KIF5B: variants seen among roughly 807,000 people sequenced by gnomAD.
KIF5B encodes kinesin-1 heavy chain.
Under a neutral mutation model 132.8 loss-of-function variants are expected in KIF5B, and 49 were observed. The observed-to-expected ratio is 0.37, with a 90% CI of 0.29 to 0.47. The LOEUF (loss-of-function observed/expected upper bound fraction) is 0.47, where lower values mean the gene tolerates loss of function less well. Among genes scored for constraint, KIF5B ranks in the 20% least tolerant of loss-of-function variants. The pLI, the probability that KIF5B is intolerant of heterozygous loss-of-function variation, is 1.00. For missense variants in KIF5B, 780 were observed against 1,144.0 expected (o/e 0.68, Z 4.59); for synonymous variants, 355 against 369.4 (o/e 0.96, Z 0.45).
chr10:32,053,651 G>T (rs138546421), intron 1 of KIF5B, among the ~76,000 whole-genome samples: 13,504 of 151,510 alleles, frequency 0.089, 735 homozygotes, highest in Middle Eastern at 0.14. Flanking sequence ...TTGAACCCGG[G>T]AGGCGGAGGT....
Position 32,034,752 on chromosome 10 carries a change from T to C in KIF5B, c.1049A>G (p.Lys350Arg). 1 of 1,609,600 alleles carries C rather than the reference T, an allele frequency of 6.2e-7. No homozygotes were observed. The highest frequency in any genetic ancestry group is 8.5e-7 in the Non-Finnish European group (1 of 1,178,040). The change falls in exon 11 of 26, where the codon AAA becomes AGA. Residue 350 changes from lysine (K) to arginine (R), a missense_variant. Physicochemically the swap from Lys to Arg is conservative, Grantham distance 26 (BLOSUM62 2). Transcript: ENST00000302418. ...WKKKYEKEKE[K>R]NKILRNTIQW... ...AATAGTGTTCCGCAGGATCTTATTT[T>C]TTTCTTTTTCTTTTTCATACTTCTT...
chr10:32,032,281 T>C (rs1386669379), intron 13 of KIF5B, among the ~76,000 whole-genome samples: 1 of 152,120 alleles, frequency 6.6e-6, no homozygotes, highest in Non-Finnish European at 1.5e-5. Context: ...AGTTGAAATA[T>C]GAAATGCTAT....
At chr10:32,021,763 G>A (rs1025296694) in intron 17 of KIF5B, among the ~76,000 whole-genome samples, 9 of 152,086 alleles carry the variant, frequency 5.9e-5, no homozygotes, top group African/African-American at 2.2e-4. Context: ...ACGAGGTCAG[G>A]AGATCAAGAC....
At chr10:32,049,103 A>T (rs1265203562) in intron 1 of KIF5B, among the ~76,000 whole-genome samples, 3 of 152,206 alleles carry the variant, frequency 2.0e-5, no homozygotes, top group Non-Finnish European at 4.4e-5. Flanking sequence ...TGCTCGGATT[A>T]CAGGTGTGAA....
intron 24 of KIF5B, among the ~76,000 whole-genome samples, chr10:32,016,561 C>T (rs527861750): frequency 3.3e-4 from 50 of 152,228 alleles, no homozygotes; most frequent in African/African-American, 1.1e-3. Context: ...GAGTCTCGCT[C>T]GTCACCCAGG....
chr10:32,028,393 G>A (rs1291412567), intron 15 of KIF5B, 35 bp downstream of exon 15: 2 of 1,551,274 alleles, frequency 1.3e-6, no homozygotes, highest in East Asian at 2.2e-5. Context: ...AGTGTATACA[G>A]ATAATTGTCC....
intron 1 of KIF5B, 105 bp from the exon 2 acceptor site, chr10:32,048,656 A>T (rs977144383): frequency 5.6e-6 from 4 of 708,510 alleles, no homozygotes; most frequent in Non-Finnish European, 9.5e-6. Context: ...AAAATAGTAT[A>T]CCTAGTATGC....
intron 11 of KIF5B, among the ~76,000 whole-genome samples, chr10:32,034,381 G>T (rs1841438677): frequency 6.6e-6 from 1 of 152,070 alleles, no homozygotes; most frequent in African/African-American, 2.4e-5. Flanking sequence ...CAAAGTGCTA[G>T]GATTACAGGC....
Position 32,055,980 on chromosome 10 carries a change from C to T in KIF5B, c.-7G>A, listed in dbSNP as rs753673583. The T allele has an allele frequency of 8.1e-6, 13 of 1,603,018 alleles. No individual in the cohort carries two copies. The highest frequency in any genetic ancestry group is 1.3e-5 in the African/African-American group (1 of 74,898). ...ACTCGGCCAGGTCCGCCATCTTTCT[C>T]GCAGCCGGGGCCGGCGGCCGGGAGC... On this transcript the variant is annotated 5_prime_UTR_variant, in exon 1 of 26. Transcript: ENST00000302418.
intron 12 of KIF5B, 100 bp from the exon 13 acceptor site, chr10:32,032,874 A>G: frequency 7.0e-6 from 6 of 851,766 alleles, no homozygotes; most frequent in Non-Finnish European, 1.2e-5. Context: ...AAATATTTCA[A>G]AACCATTTCT....
chr10:32,031,057 T>C lies in KIF5B; in HGVS notation c.1581+16A>G, dbSNP rs1360823798. 6.3e-7 allele frequency: 1 copy of C among 1,579,188 alleles called. No homozygotes were observed. Among genetic ancestry groups the C allele is most frequent in the Non-Finnish European group, 8.7e-7 (1 of 1,152,152 alleles). ...TGTACTAAAGCATTAAAAAAGAAAATAAAACTATATCCTACCGATTTCTGA... is the reference window on the plus strand; with the variant it reads ...TGTACTAAAGCATTAAAAAAGAAAACAAAACTATATCCTACCGATTTCTGA... On this transcript the variant is annotated intron_variant, in intron 14 of 25. Transcript: ENST00000302418.
intron 25 of KIF5B, among the ~76,000 whole-genome samples, chr10:32,013,506 A>C (rs1001773284): frequency 2.1e-4 from 32 of 152,218 alleles, no homozygotes; most frequent in African/African-American, 7.5e-4. Flanking sequence ...GAGGGTGCTC[A>C]TTCAAGATCA....
At chr10:32,043,470 A>G (rs1841568940) in intron 2 of KIF5B, among the ~76,000 whole-genome samples, 1 of 152,202 alleles carries the variant, frequency 6.6e-6, no homozygotes, top group Admixed American at 6.5e-5. Flanking sequence ...ATACTCAAGG[A>G]GCAGAGGAAC....
intron 2 of KIF5B, among the ~76,000 whole-genome samples, 153 bp downstream of exon 2, chr10:32,048,311 G>C (rs1841641329): frequency 6.6e-6 from 1 of 152,176 alleles, no homozygotes; most frequent in Admixed American, 6.5e-5. Context: ...TTTACTAATT[G>C]TGTTTGACCT....
rs1841272469 is a variant in KIF5B, at chr10:32,022,137, T to C, written c.2032+3A>G. The C allele has an allele frequency of 1.4e-6, 2 of 1,473,670 alleles. No homozygotes were observed. The highest frequency in any genetic ancestry group is 1.4e-5 in the African/African-American group (1 of 71,804). 91.3% of individuals were successfully genotyped at this position (1,473,670 alleles called of 1,614,324 possible). ...GTAACTCATAAACAGTTGGAAGCTA[T>C]ACCTTGTGCTCGAAGCTGGACTAGT... is the stretch of plus-strand genomic sequence containing the variant. On this transcript the variant is annotated splice_donor_region_variant and intron_variant, in intron 17 of 25. Coordinates refer to ENST00000302418, the MANE Select transcript of KIF5B (RefSeq NM_004521.3).
At position 32,009,801 on chromosome 10, in the gene KIF5B, G is replaced by C. The variant is rs1299926583; in HGVS notation, c.*1736C>G. 1 of 152,094 alleles carries C rather than the reference G, an allele frequency of 6.6e-6. No individual in the cohort carries two copies. The highest frequency in any genetic ancestry group is 2.1e-4 in the South Asian group (1 of 4,826). 9.4% of individuals were successfully genotyped at this position (152,094 alleles called of 1,614,324 possible). A position where few individuals can be genotyped will look rare whatever the true frequency, so the allele number is the denominator to read the frequency against. On this transcript the variant is annotated 3_prime_UTR_variant, in exon 26 of 26. Transcript: ENST00000302418. ...CATAAAAGGTGGCAGCACTTTTTTT[G>C]CTTGTTAACTATATTACTTATAACT...
intron 1 of KIF5B, among the ~76,000 whole-genome samples, chr10:32,055,124 T>A (rs548161133): frequency 1.3e-5 from 2 of 152,248 alleles, no homozygotes; most frequent in South Asian, 4.1e-4. Flanking sequence ...GGAGCACTTA[T>A]CTGACCCAAC....
intron 15 of KIF5B, among the ~76,000 whole-genome samples, chr10:32,027,027 T>G (rs912848843): frequency 4.1e-5 from 6 of 147,442 alleles, no homozygotes; most frequent in Admixed American, 2.7e-4. Context: ...CTTTTTGTAT[T>G]TTTTAAAAAT....
At chr10:32,048,710 T>C (rs938461801) in intron 1 of KIF5B, among the ~76,000 whole-genome samples, 159 bp from the exon 2 acceptor site, 14 of 152,204 alleles carry the variant, frequency 9.2e-5, no homozygotes, top group Middle Eastern at 3.2e-3. Flanking sequence ...GGGATCACCA[T>C]GCACAAATCC....
Sources: allele counts gnomAD v4.1 joint callset (sites outside exome capture counted in the v4.1 genomes callset), GRCh38; gene constraint gnomAD v4.1.1; transcripts MANE v1.5; gene names NCBI Gene and HGNC (gene_info 2026-07-23, HGNC 2026-07-21).